Variants in GRP observed in about 807,000 individuals in gnomAD.
GRP encodes the protein gastrin-releasing peptide.
A neutral mutation model predicts 12.7 loss-of-function variants in GRP; 11 were observed. The ratio of observed to expected loss-of-function variants is 0.87; its 90% CI spans 0.55 to 1.44. GRP has a LOEUF of 1.44. GRP is among the 40% of genes most tolerant of loss of function. The pLI, the probability that GRP is intolerant of heterozygous loss-of-function variation, is 0.00. For missense variants in GRP, 212 were observed against 185.4 expected, an observed-to-expected ratio of 1.14 and a Z score of -0.83; for synonymous variants, 84 against 77.7, an observed-to-expected ratio of 1.08 and a Z score of -0.43.
rs565414366 is a variant in GRP, at chr18:59,227,025, C to G, written c.382+1291C>G. Among the ~76,000 whole-genome samples the G allele has an allele frequency of 1.6e-3, 214 of 135,596 alleles. 1 individual carries two copies. The highest frequency in any genetic ancestry group is 0.014 in the Middle Eastern group (4 of 284). The allele number at this position is 135,596 out of a possible 152,430, so 89.0% of individuals were successfully genotyped here. The stretch of plus-strand genomic sequence containing the variant: ...TCTTTCTTTCTTTCTTTCTTTCTTT[C>G]TTTCTTTCTTTCTTTCTTTCTTTCT... On this transcript the variant is annotated intron_variant, in intron 2 of 2. Transcript: ENST00000256857.
intron 2 of GRP, among the ~76,000 whole-genome samples, chr18:59,226,988 T>TCTTCCTTC (rs879454779): frequency 1.6e-4 from 23 of 144,380 alleles, no homozygotes; most frequent in African/African-American, 4.5e-4. Flanking sequence ...TGGTTTCTTT[T>TCTTCCTTC]CTTCCTTTCT....
intron 1 of GRP, 24 bp downstream of exon 1, chr18:59,220,428 C>G: frequency 1.5e-6 from 2 of 1,340,388 alleles, no homozygotes; most frequent in Non-Finnish European, 1.9e-6. Context: ...CCGCGGGAGC[C>G]GCGCGCTTGT....
intron 1 of GRP, among the ~76,000 whole-genome samples, chr18:59,222,942 G>A (rs752702566): frequency 6.6e-6 from 1 of 152,170 alleles, no homozygotes; most frequent in African/African-American, 2.4e-5. Context: ...TAACTTGGAC[G>A]TGAGACATAT....
chr18:59,227,478 C>T (rs186738190), intron 2 of GRP, among the ~76,000 whole-genome samples: 1 of 152,142 alleles, frequency 6.6e-6, no homozygotes, highest in South Asian at 2.1e-4. Context: ...AGCTGCCATG[C>T]CTTTTTCATG....
At chr18:59,220,787 T>C (rs1298175474) in intron 1 of GRP, among the ~76,000 whole-genome samples, 2 of 152,166 alleles carry the variant, frequency 1.3e-5, no homozygotes, top group Non-Finnish European at 2.9e-5. Context: ...CCTAGAATAA[T>C]CTTGGGGAGC....
At chr18:59,220,572 C>A (rs549280882) in intron 1 of GRP, among the ~76,000 whole-genome samples, 168 bp downstream of exon 1, 1 of 152,118 alleles carries the variant, frequency 6.6e-6, no homozygotes, top group African/African-American at 2.4e-5. Flanking sequence ...AAAACTCCAC[C>A]CCACCTTTCC....
chr18:59,221,118 C>G (rs1005872404), intron 1 of GRP, among the ~76,000 whole-genome samples: 3 of 152,260 alleles, frequency 2.0e-5, no homozygotes, highest in Non-Finnish European at 2.9e-5. Flanking sequence ...AAGCTCATCC[C>G]GATCTCTCTG....
intron 2 of GRP, among the ~76,000 whole-genome samples, chr18:59,228,639 C>T (rs545701192): frequency 7.9e-5 from 12 of 152,316 alleles, no homozygotes; most frequent in African/African-American, 2.4e-4. Flanking sequence ...AGCAATTATG[C>T]CCAGCAATGT....
At chr18:59,221,891 G>A (rs1309672760) in intron 1 of GRP, among the ~76,000 whole-genome samples, 1 of 152,106 alleles carries the variant, frequency 6.6e-6, no homozygotes, top group East Asian at 1.9e-4. Flanking sequence ...GAGGATGTGT[G>A]ATCGCTGAGG....
At chr18:59,225,284 T>C (rs1266536855) in intron 1 of GRP, among the ~76,000 whole-genome samples, 2 of 152,228 alleles carry the variant, frequency 1.3e-5, no homozygotes, top group African/African-American at 4.8e-5. Context: ...GTTGCAGTTC[T>C]GAATGCTGTC....
At chr18:59,227,008 T>TCTTTCTTTCTTTCTTTCTTTCTTTCCTC (rs2069938792) in intron 2 of GRP, among the ~76,000 whole-genome samples, 3 of 124,872 alleles carry the variant, frequency 2.4e-5, no homozygotes, top group African/African-American at 9.6e-5. Context: ...TTTCTTTCTT[T>TCTTTCTTTCTTTCTTTCTTTCTTTCCTC]CTTTCTTTCT....
At chr18:59,228,276 G>A (rs995353847) in intron 2 of GRP, among the ~76,000 whole-genome samples, 2 of 152,166 alleles carry the variant, frequency 1.3e-5, no homozygotes, top group African/African-American at 2.4e-5. Context: ...CAAAAAGAAG[G>A]GGTGCCAAGA....
chr18:59,225,936 C>A (rs1342107200), intron 2 of GRP, among the ~76,000 whole-genome samples: 2 of 152,078 alleles, frequency 1.3e-5, no homozygotes, highest in African/African-American at 4.8e-5. Context: ...ATATTGATTC[C>A]AAACTCCAAT....
chr18:59,223,426 G>T (rs1333614675), intron 1 of GRP, among the ~76,000 whole-genome samples: 1 of 152,210 alleles, frequency 6.6e-6, no homozygotes, highest in Non-Finnish European at 1.5e-5. Flanking sequence ...TAGAGATAAA[G>T]AACTGATCCC....
chr18:59,227,052 T>TC lies in GRP; in HGVS notation c.382+1319dup, dbSNP rs1453753684. Among the ~76,000 whole-genome samples, 80 of 115,502 alleles carry TC rather than the reference T, an allele frequency of 6.9e-4. 1 individual carries two copies. Among genetic ancestry groups the TC allele is most frequent in the African/African-American group, 2.6e-3 (73 of 28,040 alleles). 75.8% of individuals were successfully genotyped at this position (115,502 alleles called of 152,430 possible). A position where few individuals can be genotyped will look rare whatever the true frequency, so the allele number is the denominator to read the frequency against. Reference sequence around the variant, plus strand: ...TTCTTTCTTTCTTTCTTTCTTTCTTTCTTCCTTTCTTTCTTTTCTTTCCTT... The same window carrying TC: ...TTCTTTCTTTCTTTCTTTCTTTCTTTCCTTCCTTTCTTTCTTTTCTTTCCTT... On this transcript the variant is annotated intron_variant, in intron 2 of 2. Coordinates refer to ENST00000256857, the MANE Select transcript of GRP (RefSeq NM_002091.5).
At chr18:59,223,351 GGGAA>G (rs2144100613) in intron 1 of GRP, among the ~76,000 whole-genome samples, 1 of 152,292 alleles carries the variant, frequency 6.6e-6, no homozygotes, top group Admixed American at 6.5e-5. Context: ...ACTGGACCCA[GGGAA>G]TGTGTACTTC....
chr18:59,220,117 C>T, upstream of GRP: 3 of 379,728 alleles, frequency 7.9e-6, no homozygotes, highest in Non-Finnish European at 9.3e-6. Flanking sequence ...AGCCCCCCCG[C>T]CCGGGCTTCC....
intron 1 of GRP, among the ~76,000 whole-genome samples, chr18:59,222,170 T>A (rs1011187211): frequency 2.0e-4 from 31 of 152,260 alleles, no homozygotes; most frequent in African/African-American, 7.5e-4. Flanking sequence ...TAATAAAGCT[T>A]ATTATTAGGT....
rs114010957 is a variant in GRP, at chr18:59,222,674, A to C, written c.139+2270A>C. Among the ~76,000 whole-genome samples, 1,191 of 152,336 alleles carry C rather than the reference A, an allele frequency of 7.8e-3. 18 individuals are homozygous for C. The highest frequency in any genetic ancestry group is 0.028 in the African/African-American group (1,151 of 41,568). The stretch of plus-strand genomic sequence containing the variant: ...AGACATGTAGTTTAGTTTTAATTAT[A>C]TAAAACCAAAGCTACATGCTGCTGT... On this transcript the variant is annotated intron_variant, in intron 1 of 2. Transcript: ENST00000256857.
Sources: allele counts gnomAD v4.1 joint callset (sites outside exome capture counted in the v4.1 genomes callset), GRCh38; gene constraint gnomAD v4.1.1; transcripts MANE v1.5; gene names NCBI Gene and HGNC (gene_info 2026-07-23, HGNC 2026-07-21).